The following MED13L variants were observed in gnomAD, a reference collection of about 807,000 sequenced individuals.
MED13L encodes the protein mediator of RNA polymerase II transcription subunit 13-like.
Under a neutral mutation model 220.9 loss-of-function variants are expected in MED13L, and 7 were observed. That is an observed-to-expected ratio of 0.03 (90% confidence interval 0.02 to 0.06). The LOEUF is 0.06. MED13L is among the 10% of genes least tolerant of loss of function. The probability of loss-of-function intolerance (pLI) is 1.00; values close to 1 mark genes in which losing one functional copy is unlikely to be tolerated. For missense variants in MED13L, 1,965 were observed against 2,760.5 expected, an observed-to-expected ratio of 0.71 and a Z score of 6.46; for synonymous variants, 1,011 against 1,015.2, an observed-to-expected ratio of 1.00 and a Z score of 0.08.
intron 2 of MED13L, among the ~76,000 whole-genome samples, chr12:116,177,942 A>G (rs958343989): frequency 6.6e-5 from 10 of 152,072 alleles, no homozygotes; most frequent in African/African-American, 1.7e-4. Flanking sequence ...TGCAGCCTCA[A>G]TCTCCCGGGC....
At chr12:116,211,024 T>C (rs777897858) in intron 2 of MED13L, among the ~76,000 whole-genome samples, 1 of 151,914 alleles carries the variant, frequency 6.6e-6, no homozygotes, top group Non-Finnish European at 1.5e-5. Context: ...AGAAAGGAGA[T>C]GAAGAGGGAG....
Position 116,008,519 on chromosome 12 carries a change from A to C in MED13L, c.1894T>G (p.Trp632Gly). The C allele has an allele frequency of 6.2e-7, 1 of 1,613,916 alleles. No individual in the cohort carries two copies. The highest frequency in any genetic ancestry group is 2.2e-5 in the East Asian group (1 of 44,830). ...RPSNPESSEKWWHSYRLPPSD... is the reference protein window; with the variant it reads ...RPSNPESSEKGWHSYRLPPSD... The stretch of plus-strand genomic sequence containing the variant: ...GGTGGGAGACGATAACTATGCCACC[A>C]CTTTTCTGATGACTCCGGGTTCGAG... The change falls in exon 10 of 31, where the codon TGG becomes GGG. Residue 632 changes from tryptophan to glycine, a missense_variant. By Grantham distance (184) the Trp-to-Gly change is radical. This residue lies in a region of MED13L where 818 missense variants were observed against 1,041.2 expected (regional missense o/e 0.79). Coordinates refer to ENST00000281928, the MANE Select transcript of MED13L (RefSeq NM_015335.5).
chr12:116,244,514 A>G (rs1870931070), intron 1 of MED13L, among the ~76,000 whole-genome samples: 2 of 152,230 alleles, frequency 1.3e-5, no homozygotes, highest in Admixed American at 1.3e-4. Flanking sequence ...ACGTAAGAAA[A>G]CTGAATCCTA....
In MED13L at chr12:116,072,606, G is replaced by A. The variant is rs562198562; in HGVS notation, c.479+24063C>T. ...AGCTGGGATCACAGGTGCATGCCACGATGCCCGGCTAATTTTTGTATTTTT... is the reference window on the plus strand; with the variant it reads ...AGCTGGGATCACAGGTGCATGCCACAATGCCCGGCTAATTTTTGTATTTTT... On this transcript the variant is annotated intron_variant, in intron 4 of 30. Transcript: ENST00000281928. Among the ~76,000 whole-genome samples the A allele has an allele frequency of 3.3e-5, 5 of 152,198 alleles. No homozygotes were observed. The East Asian group carries it at 5.8e-4, about 18-fold the overall frequency.
chr12:116,022,810 T>A (rs1299718746), intron 4 of MED13L, among the ~76,000 whole-genome samples: 1 of 152,208 alleles, frequency 6.6e-6, no homozygotes, highest in Non-Finnish European at 1.5e-5. Context: ...CATTGAGAAC[T>A]TTTGTAAGTT....
intron 12 of MED13L, 39 bp from the exon 13 acceptor site, chr12:116,006,032 C>G: frequency 1.9e-6 from 3 of 1,612,784 alleles, no homozygotes; most frequent in Non-Finnish European, 2.5e-6. Flanking sequence ...ATAAACAACT[C>G]CACCAAGCGC....
rs1190431145 is a variant in MED13L at position 115,987,483 on chromosome 12, TCAA to T, written c.3935-198_3935-196del. On this transcript the variant is annotated intron_variant, in intron 17 of 30. Transcript: ENST00000281928. ...AGAGAAAATAATTGATAATTTAGTA[TCAA>T]CAATAATAAAAGGGGAAATGGATTA... Among the ~76,000 whole-genome samples the T allele has an allele frequency of 5.3e-5, 8 of 152,288 alleles. 3 individuals carry two copies. Among genetic ancestry groups the T allele is most frequent in the African/African-American group, 1.9e-4 (8 of 41,576 alleles).
chr12:115,986,317 G>A lies in MED13L; in HGVS notation c.4287C>T (p.Ala1429=), dbSNP rs1316795778. 1 of 1,613,984 alleles carries A rather than the reference G, an allele frequency of 6.2e-7. No individual in the cohort carries two copies. The highest frequency in any genetic ancestry group is 8.5e-7 in the Non-Finnish European group (1 of 1,180,002). The change falls in exon 19 of 31, where the codon GCC becomes GCT. Residue 1429 remains alanine, a synonymous_variant. Coordinates refer to ENST00000281928, the MANE Select transcript of MED13L (RefSeq NM_015335.5). ...AYIVVCPENE[A]LLEGAKTFFR... ...AGAAAGTTTTGGCTCCTTCGAGCAA[G>A]GCCTCATTTTCTGGACACACCACAA...
At chr12:116,166,913 A>G (rs1879323418) in intron 2 of MED13L, among the ~76,000 whole-genome samples, 1 of 152,208 alleles carries the variant, frequency 6.6e-6, no homozygotes. Context: ...TTTTTCAATC[A>G]CAGTCCTACC....
At chr12:116,063,695 T>C (rs1869693993) in intron 4 of MED13L, among the ~76,000 whole-genome samples, 1 of 152,096 alleles carries the variant, frequency 6.6e-6, no homozygotes, top group African/African-American at 2.4e-5. Context: ...CACCACTACC[T>C]CCAAGGAAAA....
intron 1 of MED13L, among the ~76,000 whole-genome samples, chr12:116,270,193 G>C (rs1373250215): frequency 2.6e-5 from 4 of 151,246 alleles, no homozygotes; most frequent in Non-Finnish European, 4.4e-5. Context: ...CCAGACTGGA[G>C]TGCAGTGGCA....
intron 3 of MED13L, among the ~76,000 whole-genome samples, chr12:116,099,141 G>C (rs762538886): frequency 6.6e-6 from 1 of 152,182 alleles, no homozygotes; most frequent in Non-Finnish European, 1.5e-5. Flanking sequence ...GAGGCACAGT[G>C]AGAATGTCAT....
intron 23 of MED13L, among the ~76,000 whole-genome samples, chr12:115,978,190 T>C (rs534554762): frequency 6.6e-6 from 1 of 151,340 alleles, no homozygotes; most frequent in Admixed American, 6.6e-5. Flanking sequence ...AGGACTGGAG[T>C]GGGGAATGAG....
Position 116,188,031 on chromosome 12 carries a change from A to C in MED13L, c.310+49437T>G, listed in dbSNP as rs1420653484. On this transcript the variant is annotated intron_variant, in intron 2 of 30. Transcript: ENST00000281928. ...ACAGTGTCACTTTTCTCACTCATTC[A>C]TTGGATTTATTTGTGGTTTTTCAGG... Among the ~76,000 whole-genome samples the C allele has an allele frequency of 2.0e-5, 3 of 152,204 alleles. No homozygotes were observed. The South Asian group carries it at 6.2e-4, about 32-fold the overall frequency.
chr12:116,143,799 G>C (rs1266635651), intron 2 of MED13L, among the ~76,000 whole-genome samples: 1 of 152,146 alleles, frequency 6.6e-6, no homozygotes, highest in African/African-American at 2.4e-5. Context: ...ACCTCACTAG[G>C]TTGTTCATAT....
At chr12:116,012,118 C>T (rs949476126) in intron 9 of MED13L, among the ~76,000 whole-genome samples, 1 of 152,250 alleles carries the variant, frequency 6.6e-6, no homozygotes, top group African/African-American at 2.4e-5. Context: ...AAATCATCAC[C>T]ACTTCTTCTA....
At chr12:116,090,245 G>GTAATAAAAAAC (rs1872076707) in intron 4 of MED13L, among the ~76,000 whole-genome samples, 1 of 152,168 alleles carries the variant, frequency 6.6e-6, no homozygotes, top group African/African-American at 2.4e-5. Context: ...AGGTGAATAG[G>GTAATAAAAAAC]TGGTCACCTC....
chr12:116,121,930 C>G (rs2137958730), intron 2 of MED13L, among the ~76,000 whole-genome samples: 1 of 152,216 alleles, frequency 6.6e-6, no homozygotes, highest in African/African-American at 2.4e-5. Context: ...TCACTCGAAA[C>G]TCCAGAAACA....
At chr12:116,138,394 T>C (rs549668943) in intron 2 of MED13L, among the ~76,000 whole-genome samples, 6 of 152,266 alleles carry the variant, frequency 3.9e-5, no homozygotes, top group Admixed American at 6.5e-5. Flanking sequence ...GGTAACAACA[T>C]TGAAGCTGTA....
Sources: gnomAD v4.1 joint callset for allele counts (sites outside exome capture counted in the v4.1 genomes callset) on GRCh38, gnomAD v4.1.1 for gene constraint, gnomAD v4.1.1 regional missense constraint, MANE v1.5 for transcripts, NCBI Gene and HGNC (gene_info 2026-07-23, HGNC 2026-07-21) for gene names.